Variants in SCTR observed in about 807,000 individuals in gnomAD.
SCTR encodes pancreatic secretin receptor.
Under a neutral mutation model 60.8 loss-of-function variants are expected in SCTR, and 56 were observed. The ratio of observed to expected loss-of-function variants is 0.92; its 90% CI spans 0.74 to 1.15. The LOEUF (loss-of-function observed/expected upper bound fraction) is 1.15, where lower values mean the gene tolerates loss of function less well. SCTR is among the 50% of genes most tolerant of loss of function. The pLI, the probability that SCTR is intolerant of heterozygous loss-of-function variation, is 0.00. For missense variants in SCTR, 562 were observed against 550.4 expected, an observed-to-expected ratio of 1.02 and a Z score of -0.21; for synonymous variants, 202 against 217.0, an observed-to-expected ratio of 0.93 and a Z score of 0.61.
At chr2:119,502,064 T>G (rs1678571784) in intron 1 of SCTR, among the ~76,000 whole-genome samples, 1 of 152,178 alleles carries the variant, frequency 6.6e-6, no homozygotes, top group Admixed American at 6.5e-5. Flanking sequence ...AAGACCAACC[T>G]GGGCAAGATG....
At chr2:119,499,738 GA>G (rs1486612453) in intron 1 of SCTR, among the ~76,000 whole-genome samples, 7 of 151,942 alleles carry the variant, frequency 4.6e-5, no homozygotes, top group African/African-American at 9.7e-5. Flanking sequence ...GTCCATTAAT[GA>G]AAAAACTCTC....
intron 1 of SCTR, among the ~76,000 whole-genome samples, chr2:119,499,056 A>G (rs2104912688): frequency 6.6e-6 from 1 of 152,234 alleles, no homozygotes; most frequent in South Asian, 2.1e-4. Flanking sequence ...CATTAATCAA[A>G]GAAATCAGGA....
intron 1 of SCTR, among the ~76,000 whole-genome samples, chr2:119,496,151 A>G (rs1400210572): frequency 6.6e-6 from 1 of 152,208 alleles, no homozygotes; most frequent in Non-Finnish European, 1.5e-5. Context: ...GAAGTGGAAG[A>G]GCTTGAGTGG....
intron 7 of SCTR, among the ~76,000 whole-genome samples, chr2:119,458,883 C>A (rs993491667): frequency 2.4e-4 from 37 of 152,280 alleles, no homozygotes; most frequent in African/African-American, 8.2e-4. Context: ...GACCTTCACC[C>A]ATGCTGAGGC....
At chr2:119,521,238 C>T (rs954787679) in intron 1 of SCTR, among the ~76,000 whole-genome samples, 4 of 152,230 alleles carry the variant, frequency 2.6e-5, no homozygotes, top group Admixed American at 2.0e-4. Flanking sequence ...TCTTTCTCTA[C>T]AGCCTGACAC....
At chr2:119,514,051 C>T (rs1457341598) in intron 1 of SCTR, among the ~76,000 whole-genome samples, 1 of 152,224 alleles carries the variant, frequency 6.6e-6, no homozygotes, top group East Asian at 1.9e-4. Context: ...TTGTCTCACT[C>T]AACACATAGT....
intron 1 of SCTR, among the ~76,000 whole-genome samples, chr2:119,513,595 A>G (rs1006779391): frequency 6.6e-6 from 1 of 152,200 alleles, no homozygotes; most frequent in African/African-American, 2.4e-5. Flanking sequence ...AAATCATGTC[A>G]AAGTTTGGAT....
Position 119,524,447 on chromosome 2 carries a change from G to A in SCTR, c.-221C>T. On this transcript the variant is annotated 5_prime_UTR_variant, in exon 1 of 13. Coordinates refer to ENST00000019103, the MANE Select transcript of SCTR (RefSeq NM_002980.3). ...CCGCCCGCCCCATTGATCAGGACGC[G>A]GCTTTGCCGGCGCGCCTCCTCCACC... The A allele has an allele frequency of 2.7e-6, 1 of 366,836 alleles. No individual in the cohort carries two copies. The allele number at this position is 366,836 out of a possible 1,614,324, so 22.7% of individuals were successfully genotyped here.
chr2:119,471,379 C>T (rs1276999351), intron 4 of SCTR, among the ~76,000 whole-genome samples: 1 of 152,142 alleles, frequency 6.6e-6, no homozygotes, highest in South Asian at 2.1e-4. Flanking sequence ...CCTCCAAGAC[C>T]ACGAGTGCTC....
intron 2 of SCTR, among the ~76,000 whole-genome samples, chr2:119,490,064 G>C (rs1678054160): frequency 6.6e-6 from 1 of 152,166 alleles, no homozygotes; most frequent in African/African-American, 2.4e-5. Flanking sequence ...TGGCCTTGTT[G>C]GTGCCTTGCT....
At chr2:119,476,733 G>C (rs1007533374) in intron 3 of SCTR, 1 of 152,688 alleles carries the variant, frequency 6.5e-6, no homozygotes, top group Non-Finnish European at 1.5e-5. Flanking sequence ...AGGCTGAAAA[G>C]GGACGGCTGC....
At chr2:119,487,587 G>A (rs6542532) in intron 2 of SCTR, among the ~76,000 whole-genome samples, 16,032 of 152,092 alleles carry the variant, frequency 0.11, 2,048 homozygotes, top group African/African-American at 0.3. Flanking sequence ...TTCTTCCCCT[G>A]GGGAGAGCCA....
intron 1 of SCTR, among the ~76,000 whole-genome samples, chr2:119,514,060 G>C (rs1679037485): frequency 1.3e-5 from 2 of 152,210 alleles, no homozygotes; most frequent in South Asian, 4.1e-4. Context: ...TCAACACATA[G>C]TCGTGGTTGG....
chr2:119,440,486 TAAAG>T (rs1337392248), intron 12 of SCTR, among the ~76,000 whole-genome samples: 2 of 152,210 alleles, frequency 1.3e-5, no homozygotes, highest in African/African-American at 2.4e-5. Flanking sequence ...CATCGTGTCT[TAAAG>T]AAAGGACTTG....
At chr2:119,468,726 G>A (rs539715809) in intron 4 of SCTR, among the ~76,000 whole-genome samples, 3 of 152,324 alleles carry the variant, frequency 2.0e-5, no homozygotes, top group Non-Finnish European at 2.9e-5. Flanking sequence ...AGCTGGCCAC[G>A]TGGGAATGTT....
At chr2:119,443,501 A>C (rs2104750085) in intron 11 of SCTR, among the ~76,000 whole-genome samples, 1 of 152,274 alleles carries the variant, frequency 6.6e-6, no homozygotes, top group South Asian at 2.1e-4. Flanking sequence ...TTATTTCCCA[A>C]ATTATTCACA....
At chr2:119,471,164 AGCCACATGT>A (rs764162786) in intron 4 of SCTR, among the ~76,000 whole-genome samples, 23 of 152,224 alleles carry the variant, frequency 1.5e-4, no homozygotes, top group Non-Finnish European at 2.9e-4. Context: ...CAGTTACGCA[AGCCACATGT>A]GCTTATTAAA....
intron 1 of SCTR, among the ~76,000 whole-genome samples, chr2:119,516,781 G>A (rs1319036971): frequency 6.6e-6 from 1 of 152,066 alleles, no homozygotes; most frequent in African/African-American, 2.4e-5. Flanking sequence ...CCAACATGGT[G>A]GAACCGCGTC....
chr2:119,463,522 C>T (rs987211769), intron 6 of SCTR, among the ~76,000 whole-genome samples: 6 of 152,108 alleles, frequency 3.9e-5, no homozygotes, highest in African/African-American at 9.7e-5. Context: ...AGCCATTGCA[C>T]CACCTCATCT....
Sources: allele counts gnomAD v4.1 joint callset (sites outside exome capture counted in the v4.1 genomes callset), GRCh38; gene constraint gnomAD v4.1.1; transcripts MANE v1.5; gene names NCBI Gene and HGNC (gene_info 2026-07-23, HGNC 2026-07-21).